The following NTM variants were observed in gnomAD, a reference collection of about 807,000 sequenced individuals.
The protein encoded by NTM is neurotrimin.
Under a neutral mutation model 42.1 loss-of-function variants are expected in NTM, and 13 were observed. The observed-to-expected ratio is 0.31, with a 90% CI of 0.20 to 0.49. The LOEUF (loss-of-function observed/expected upper bound fraction) is 0.49, where lower values mean the gene tolerates loss of function less well. Ranked by LOEUF, NTM falls within the 20% of genes least tolerant of loss-of-function variation. The pLI is 0.99. For synonymous variants in NTM, 187 were observed against 179.2 expected, an observed-to-expected ratio of 1.04 and a Z score of -0.35; for missense variants, 373 against 452.8, an observed-to-expected ratio of 0.82 and a Z score of 1.60.
intron 1 of NTM, among the ~76,000 whole-genome samples, chr11:131,803,660 T>A (rs2092310208): frequency 6.6e-6 from 1 of 152,216 alleles, no homozygotes; most frequent in Admixed American, 6.5e-5. Context: ...CAAGCCAACC[T>A]ACTTGTTTCT....
rs901893695 is a variant in NTM, at chr11:131,430,438, G to A, written c.82+59550G>A. ...GTGATGGCCACACATCTGAAATCCAGGGAGGTATGAGGACTTGCTTTCTCC... is the reference window on the plus strand; with the variant it reads ...GTGATGGCCACACATCTGAAATCCAAGGAGGTATGAGGACTTGCTTTCTCC... On this transcript the variant is annotated intron_variant, in intron 1 of 8. Transcript: ENST00000683400. Among the ~76,000 whole-genome samples the A allele has an allele frequency of 1.3e-4, 20 of 152,146 alleles. No individual in the cohort carries two copies. In the East Asian group the frequency reaches 2.1e-3, roughly 16 times the overall value.
chr11:132,242,129 G>A (rs2090311049), intron 4 of NTM, among the ~76,000 whole-genome samples: 1 of 152,184 alleles, frequency 6.6e-6, no homozygotes, highest in Non-Finnish European at 1.5e-5. Context: ...AAGAATTCAA[G>A]AGCCTTCAGT....
At chr11:131,625,680 C>G (rs1565344927) in intron 1 of NTM, among the ~76,000 whole-genome samples, 1 of 152,098 alleles carries the variant, frequency 6.6e-6, no homozygotes, top group Non-Finnish European at 1.5e-5. Flanking sequence ...AATAAAGACA[C>G]AGAATGAAGC....
At chr11:131,591,825 A>G (rs1408417118) in intron 1 of NTM, among the ~76,000 whole-genome samples, 4 of 152,142 alleles carry the variant, frequency 2.6e-5, no homozygotes. Context: ...CACAGCTGAA[A>G]TGCACTTCCC....
intron 4 of NTM, among the ~76,000 whole-genome samples, chr11:132,216,567 G>A (rs2083905941): frequency 6.6e-6 from 1 of 152,172 alleles, no homozygotes; most frequent in South Asian, 2.1e-4. Flanking sequence ...ATTCAGCAAA[G>A]CCCTGCAAGG....
intron 1 of NTM, among the ~76,000 whole-genome samples, chr11:131,516,033 A>G (rs2048852964): frequency 1.3e-5 from 2 of 152,200 alleles, no homozygotes; most frequent in African/African-American, 4.8e-5. Flanking sequence ...GCTAAATGGA[A>G]CTTATTCATC....
intron 1 of NTM, among the ~76,000 whole-genome samples, chr11:131,865,640 C>G (rs1347320419): frequency 6.6e-6 from 1 of 152,134 alleles, no homozygotes; most frequent in Non-Finnish European, 1.5e-5. Context: ...CTCTTATGCT[C>G]ACAGGTGCAC....
chr11:131,906,221 A>G (rs1309250734), intron 1 of NTM, among the ~76,000 whole-genome samples: 1 of 152,160 alleles, frequency 6.6e-6, no homozygotes, highest in African/African-American at 2.4e-5. Flanking sequence ...CTGGGCAATC[A>G]TGGTAACCTG....
chr11:131,661,157 G>A, intron 1 of NTM: 1 of 666,206 alleles, frequency 1.5e-6, no homozygotes, highest in Non-Finnish European at 2.3e-6. Flanking sequence ...GGTGGTGACT[G>A]TGGCTTTTGA....
At chr11:131,495,503 C>T (rs1565562956) in intron 1 of NTM, among the ~76,000 whole-genome samples, 1 of 152,248 alleles carries the variant, frequency 6.6e-6, no homozygotes, top group Non-Finnish European at 1.5e-5. Flanking sequence ...ACTTTCCTCT[C>T]CCATGATGGT....
chr11:132,110,580 G>A (rs1056504798), intron 2 of NTM, among the ~76,000 whole-genome samples: 1 of 152,118 alleles, frequency 6.6e-6, no homozygotes, highest in Admixed American at 6.5e-5. Flanking sequence ...GAAATTTTAT[G>A]GCAAAAGATA....
chr11:131,939,243 T>C (rs2059546455), intron 2 of NTM, among the ~76,000 whole-genome samples: 1 of 150,844 alleles, frequency 6.6e-6, no homozygotes, highest in Non-Finnish European at 1.5e-5. Flanking sequence ...CCAGGGAGAG[T>C]TTGAGACCAA....
chr11:131,895,487 A>G (rs2052123041), intron 1 of NTM, among the ~76,000 whole-genome samples: 1 of 152,168 alleles, frequency 6.6e-6, no homozygotes, highest in Non-Finnish European at 1.5e-5. Flanking sequence ...ACTCAGGGTC[A>G]TATACTTTGC....
At chr11:131,880,694 A>T (rs79359344) in intron 1 of NTM, among the ~76,000 whole-genome samples, 1,575 of 151,910 alleles carry the variant, frequency 0.01, 29 homozygotes, top group African/African-American at 0.036. Flanking sequence ...ACATATACAC[A>T]CTCTCATTTG....
intron 1 of NTM, among the ~76,000 whole-genome samples, chr11:131,381,925 C>T (rs1447508264): frequency 6.6e-6 from 1 of 152,180 alleles, no homozygotes; most frequent in Non-Finnish European, 1.5e-5. Context: ...TTGGGAGGTA[C>T]AGCTAAGCAT....
intron 2 of NTM, among the ~76,000 whole-genome samples, chr11:131,951,403 A>G (rs12792430): frequency 0.088 from 13,459 of 152,230 alleles, 747 homozygotes; most frequent in East Asian, 0.21. Context: ...GTTTGGAGGC[A>G]GTGTTACTGC....
intron 1 of NTM, among the ~76,000 whole-genome samples, chr11:131,395,094 C>T (rs1463325334): frequency 6.6e-6 from 1 of 152,148 alleles, no homozygotes; most frequent in Non-Finnish European, 1.5e-5. Context: ...AGCCAGGCTG[C>T]CTTCACATGA....
intron 1 of NTM, among the ~76,000 whole-genome samples, chr11:131,531,882 A>T (rs1268227841): frequency 6.6e-6 from 1 of 152,202 alleles, no homozygotes; most frequent in African/African-American, 2.4e-5. Flanking sequence ...TTTCAGACAG[A>T]AGGAACCGCA....
chr11:132,001,491 C>T (rs563656435), intron 2 of NTM, among the ~76,000 whole-genome samples: 1 of 152,244 alleles, frequency 6.6e-6, no homozygotes, highest in Admixed American at 6.5e-5. Flanking sequence ...CCGGCATCTG[C>T]TTGGCTTCTG....
Sources: allele counts gnomAD v4.1 joint callset (sites outside exome capture counted in the v4.1 genomes callset), GRCh38; gene constraint gnomAD v4.1.1; transcripts MANE v1.5; gene names NCBI Gene and HGNC (gene_info 2026-07-23, HGNC 2026-07-21).